The following ITGA9 variants were observed in gnomAD, a reference collection of about 807,000 sequenced individuals.
ITGA9 encodes the protein integrin subunit alpha 9.
A neutral mutation model predicts 127.8 loss-of-function variants in ITGA9; 56 were observed. The observed-to-expected ratio is 0.44, with a 90% CI of 0.35 to 0.55. ITGA9 has a LOEUF of 0.55. Among genes scored for constraint, ITGA9 ranks in the 20% least tolerant of loss-of-function variants. The pLI, the probability that ITGA9 is intolerant of heterozygous loss-of-function variation, is 0.00. For synonymous variants in ITGA9, 508 were observed against 514.5 expected, an observed-to-expected ratio of 0.99 and a Z score of 0.17; for missense variants, 1,196 against 1,347.1, an observed-to-expected ratio of 0.89 and a Z score of 1.76.
chr3:37,475,605 T>A (rs983393643), intron 3 of ITGA9, among the ~76,000 whole-genome samples: 15 of 152,376 alleles, frequency 9.8e-5, no homozygotes, highest in Middle Eastern at 6.8e-3. Context: ...ACTATTTTTT[T>A]AATGTTTTAT....
At chr3:37,774,532 C>CAA (rs60606543) in intron 23 of ITGA9, among the ~76,000 whole-genome samples, 185 of 135,500 alleles carry the variant, frequency 1.4e-3, no homozygotes, top group African/African-American at 3.4e-3. Flanking sequence ...CTATCTCTAC[C>CAA]AAAAAAAAAA....
intron 8 of ITGA9, among the ~76,000 whole-genome samples, chr3:37,511,376 A>G (rs1015260233): frequency 3.3e-5 from 5 of 152,328 alleles, no homozygotes; most frequent in Admixed American, 6.5e-5. Context: ...TCATTGCCAT[A>G]TTGAAGTTTT....
At chr3:37,568,830 A>G (rs1403884896) in intron 15 of ITGA9, among the ~76,000 whole-genome samples, 1 of 152,198 alleles carries the variant, frequency 6.6e-6, no homozygotes, top group Non-Finnish European at 1.5e-5. Context: ...GCCATTCAAC[A>G]AGTCTCTAGG....
intron 12 of ITGA9, among the ~76,000 whole-genome samples, chr3:37,524,999 T>G (rs1042025176): frequency 6.6e-6 from 1 of 152,252 alleles, no homozygotes; most frequent in East Asian, 1.9e-4. Flanking sequence ...TTCATGGATT[T>G]GCCATTTGTT....
chr3:37,783,890 C>T (rs1409324405), intron 25 of ITGA9, among the ~76,000 whole-genome samples: 2 of 152,120 alleles, frequency 1.3e-5, no homozygotes, highest in South Asian at 2.1e-4. Context: ...GACCAGGGTC[C>T]CTGTGTGCCC....
At chr3:37,534,738 A>G (rs1019422680) in intron 14 of ITGA9, among the ~76,000 whole-genome samples, 2 of 152,260 alleles carry the variant, frequency 1.3e-5, no homozygotes, top group African/African-American at 4.8e-5. Context: ...GGAACTGGTT[A>G]GTGAGGGAGG....
intron 3 of ITGA9, among the ~76,000 whole-genome samples, chr3:37,475,043 C>A (rs908106153): frequency 6.6e-6 from 1 of 152,254 alleles, no homozygotes; most frequent in African/African-American, 2.4e-5. Flanking sequence ...AGGTCCTGCA[C>A]AGGCTCCCTG....
Position 37,788,781 on chromosome 3 carries a change from C to T in ITGA9, c.2889+3703C>T, listed in dbSNP as rs150254585. Among the ~76,000 whole-genome samples the T allele has an allele frequency of 2.9e-3, 445 of 152,212 alleles. 2 individuals are homozygous for T. The highest frequency in any genetic ancestry group is 4.8e-3 in the Non-Finnish European group (327 of 68,016). On this transcript the variant is annotated intron_variant, in intron 26 of 27. Coordinates refer to ENST00000264741, the MANE Select transcript of ITGA9 (RefSeq NM_002207.3). ...TAACATCCGAAACTGTATATCATCA[C>T]CACATTTCATTTACCATGGTTTTTT...
At chr3:37,498,456 CTGAGTGGAG>C (rs368905893) in intron 5 of ITGA9, among the ~76,000 whole-genome samples, 1,962 of 152,218 alleles carry the variant, frequency 0.013, 38 homozygotes, top group African/African-American at 0.044. Context: ...AGGCATTGGG[CTGAGTGGAG>C]GCAGGGAGTG....
Position 37,684,023 on chromosome 3 carries a change from G to C in ITGA9, c.2067+8G>C, listed in dbSNP as rs774097270. ...ATCAACATGTGGCAGAAGGTAAGGA[G>C]GGCATCCCTGTAAAAAGAGCAGTTG... On this transcript the variant is annotated splice_region_variant and intron_variant, in intron 18 of 27. Coordinates refer to ENST00000264741, the MANE Select transcript of ITGA9 (RefSeq NM_002207.3). 3 of 1,612,342 alleles carry C rather than the reference G, an allele frequency of 1.9e-6. No homozygotes were observed. Among genetic ancestry groups the C allele is most frequent in the Non-Finnish European group, 2.5e-6 (3 of 1,179,158 alleles).
At chr3:37,798,936 G>A (rs1440669936) in intron 26 of ITGA9, among the ~76,000 whole-genome samples, 1 of 152,040 alleles carries the variant, frequency 6.6e-6, no homozygotes, top group Non-Finnish European at 1.5e-5. Flanking sequence ...TTGACAACCA[G>A]CTTTCTGTCA....
At chr3:37,697,140 G>A (rs959709335) in intron 18 of ITGA9, among the ~76,000 whole-genome samples, 5 of 152,140 alleles carry the variant, frequency 3.3e-5, no homozygotes, top group East Asian at 1.9e-4. Context: ...GAAAAGGTTC[G>A]CTGGGCCAGA....
intron 15 of ITGA9, among the ~76,000 whole-genome samples, chr3:37,607,824 G>GAA (rs1167582697): frequency 6.6e-6 from 1 of 152,198 alleles, no homozygotes; most frequent in African/African-American, 2.4e-5. Context: ...ACCTCAGAGT[G>GAA]ACATCAGGGG....
In ITGA9 at chr3:37,741,770, C is replaced by G. The variant is rs148785471; in HGVS notation, c.2275C>G (p.Leu759Val). ...CTCTGAATCCCTGCATGACAACACCCTCGTGCTGATGGTGCCACTGATGCA... is the reference window on the plus strand; with the variant it reads ...CTCTGAATCCCTGCATGACAACACCGTCGTGCTGATGGTGCCACTGATGCA... ...ERSESLHDNT[L>V]VLMVPLMHEV... Residue 759 changes from leucine to valine, a missense_variant, in exon 21 of 28, where the codon CTC (leucine) becomes GTC (valine). Transcript: ENST00000264741. 82 of 1,613,780 alleles carry G rather than the reference C, an allele frequency of 5.1e-5. No homozygotes were observed. Among genetic ancestry groups the G allele is most frequent in the African/African-American group, 3.2e-4 (24 of 74,940 alleles).
At chr3:37,613,043 A>G (rs1700038901) in intron 15 of ITGA9, among the ~76,000 whole-genome samples, 1 of 151,158 alleles carries the variant, frequency 6.6e-6, no homozygotes, top group Non-Finnish European at 1.5e-5. Flanking sequence ...TTCATGTGCC[A>G]TGTTGGTGTG....
At chr3:37,558,526 A>C (rs958947387) in intron 15 of ITGA9, among the ~76,000 whole-genome samples, 4 of 152,126 alleles carry the variant, frequency 2.6e-5, no homozygotes, top group African/African-American at 9.7e-5. Flanking sequence ...TCCTATGTAC[A>C]GGTGTGCCTG....
intron 26 of ITGA9, among the ~76,000 whole-genome samples, chr3:37,791,908 C>T (rs1033275761): frequency 5.9e-5 from 9 of 152,218 alleles, no homozygotes; most frequent in African/African-American, 1.7e-4. Flanking sequence ...CTTTTACTGT[C>T]ATGAAATAGA....
chr3:37,530,733 T>TG, intron 13 of ITGA9, among the ~76,000 whole-genome samples: 1 of 15,112 alleles, frequency 6.6e-5, no homozygotes. Context: ...TTTTTTTTTT[T>TG]TTTTTTTTTT....
chr3:37,553,013 TAAA>T (rs10662748), intron 15 of ITGA9, among the ~76,000 whole-genome samples: 3 of 137,138 alleles, frequency 2.2e-5, no homozygotes, highest in Middle Eastern at 3.5e-3. Context: ...AGACTCCATC[TAAA>T]AAAAAAAAAA....
Sources: allele counts gnomAD v4.1 joint callset (sites outside exome capture counted in the v4.1 genomes callset), GRCh38; gene constraint gnomAD v4.1.1; transcripts MANE v1.5; gene names NCBI Gene and HGNC (gene_info 2026-07-23, HGNC 2026-07-21).